SIRT5: variants seen among roughly 807,000 people sequenced by gnomAD.
The protein encoded by SIRT5 is NAD-dependent protein deacylase sirtuin-5, mitochondrial.
SIRT5 carries 26 observed loss-of-function variants against 40.0 expected under a neutral mutation model. That is an observed-to-expected ratio of 0.65 (90% CI 0.48 to 0.90). The LOEUF is 0.90. Among genes scored for constraint, SIRT5 ranks in the 40% least tolerant of loss-of-function variants. The pLI is 0.00. For missense variants in SIRT5, 401 were observed against 402.4 expected, an observed-to-expected ratio of 1.00 and a Z score of 0.03; for synonymous variants, 146 against 149.1, an observed-to-expected ratio of 0.98 and a Z score of 0.15.
intron 1 of SIRT5, among the ~76,000 whole-genome samples, chr6:13,578,651 A>T (rs1348704165): frequency 6.8e-6 from 1 of 147,716 alleles, no homozygotes; most frequent in Non-Finnish European, 1.5e-5. Context: ...AATAATTGGT[A>T]TTAGTTCTGC....
Position 13,612,030 on chromosome 6 carries a change from G to A in SIRT5, c.*165G>A. The A allele has an allele frequency of 1.9e-6, 1 of 526,418 alleles. No individual in the cohort carries two copies. The highest frequency in any genetic ancestry group is 3.7e-5 in the South Asian group (1 of 27,064). The allele number at this position is 526,418 out of a possible 1,614,324, so 32.6% of individuals were successfully genotyped here. On this transcript the variant is annotated 3_prime_UTR_variant, in exon 10 of 10. Transcript: ENST00000606117. ...GATAAGTGATGGGGGTTTAGAAGTA[G>A]CAAAGAGCACCCACATTCAAAAGTC...
intron 9 of SIRT5, among the ~76,000 whole-genome samples, chr6:13,603,042 C>T (rs1762603974): frequency 6.6e-6 from 1 of 152,070 alleles, no homozygotes; most frequent in Admixed American, 6.5e-5. Context: ...CTTTGGGAGG[C>T]CGAGGCAGGT....
At position 13,607,558 on chromosome 6, in the gene SIRT5, A is replaced by C. The variant is rs1289231478; in HGVS notation, c.858-4232A>C. 2.0e-5 allele frequency among the ~76,000 whole-genome samples: 3 copies of C among 152,240 alleles called. No individual in the cohort carries two copies. Among genetic ancestry groups the C allele is most frequent in the Non-Finnish European group, 2.9e-5 (2 of 68,036 alleles). Reference sequence around the variant, plus strand: ...ATTAACCAATGCAAGTGGCGTGAGCAGATGTGCAGCTAACACTGTAGTCGT... The same window carrying C: ...ATTAACCAATGCAAGTGGCGTGAGCCGATGTGCAGCTAACACTGTAGTCGT... On this transcript the variant is annotated intron_variant, in intron 9 of 9. Transcript: ENST00000606117. The surrounding 1 kb of genome is among the most constrained non-coding windows in gnomAD (Gnocchi z 4.0).
At chr6:13,596,895 G>T in intron 6 of SIRT5, 68 bp from the exon 7 acceptor site, 1 of 1,282,244 alleles carries the variant, frequency 7.8e-7, no homozygotes. Flanking sequence ...TACAAACTGA[G>T]TTATGTTGTT....
chr6:13,590,706 TGTTTAGTTGTGG>T (rs1266475592), intron 4 of SIRT5, among the ~76,000 whole-genome samples: 1 of 151,552 alleles, frequency 6.6e-6, no homozygotes. Flanking sequence ...TATGTGTGTA[TGTTTAGTTGTGG>T]GTGTAGTTGT....
At chr6:13,598,343 T>C (rs1761879470) in intron 7 of SIRT5, among the ~76,000 whole-genome samples, 1 of 152,032 alleles carries the variant, frequency 6.6e-6, no homozygotes, top group African/African-American at 2.4e-5. Context: ...CAGAGAGACA[T>C]GAACCTGAGA....
intron 3 of SIRT5, among the ~76,000 whole-genome samples, chr6:13,585,885 C>T (rs1363900560): frequency 6.6e-6 from 1 of 152,144 alleles, no homozygotes; most frequent in African/African-American, 2.4e-5. Context: ...CCTATTTCTC[C>T]ACATCCTGTC....
At chr6:13,603,154 G>A (rs939316177) in intron 9 of SIRT5, among the ~76,000 whole-genome samples, 2 of 151,904 alleles carry the variant, frequency 1.3e-5, no homozygotes, top group Non-Finnish European at 2.9e-5. Flanking sequence ...GTGGGCGTCT[G>A]TAGTCCCAGC....
At chr6:13,594,808 CTG>C (rs1761366438) in intron 5 of SIRT5, among the ~76,000 whole-genome samples, 2 of 152,256 alleles carry the variant, frequency 1.3e-5, no homozygotes, top group African/African-American at 4.8e-5. Flanking sequence ...ATTTCATAAA[CTG>C]TGGCCACCAT....
chr6:13,605,800 C>T (rs983094024), intron 9 of SIRT5: 14 of 985,296 alleles, frequency 1.4e-5, no homozygotes, highest in Admixed American at 1.2e-4. Context: ...TTTGTACATT[C>T]GCTGAGGCAA....
At chr6:13,575,283 T>C (rs925334730) in intron 1 of SIRT5, among the ~76,000 whole-genome samples, 2 of 151,692 alleles carry the variant, frequency 1.3e-5, no homozygotes, top group Non-Finnish European at 2.9e-5. Flanking sequence ...CTGAAGAGGG[T>C]GGCGCCCGGA....
In SIRT5 at chr6:13,591,750, A is replaced by G. The variant is rs1452232885; in HGVS notation, c.331A>G (p.Ser111Gly). Residue 111 changes from serine (S) to glycine (G), a missense_variant, in exon 5 of 10, where the codon AGC becomes GGC. Ser to Gly is a moderately conservative substitution (Grantham distance 56, BLOSUM62 0). Coordinates refer to ENST00000606117, the MANE Select transcript of SIRT5 (RefSeq NM_012241.5). The part of the protein sequence containing the change: ...FYHYRREVMG[S>G]KEPNAGHRAI... ...CCACTACCGGCGGGAGGTCATGGGGAGCAAGGAGCCCAACGCCGGGCACCG... is the reference window on the plus strand; with the variant it reads ...CCACTACCGGCGGGAGGTCATGGGGGGCAAGGAGCCCAACGCCGGGCACCG... The G allele has an allele frequency of 6.2e-7, 1 of 1,612,996 alleles. No individual in the cohort carries two copies. The highest frequency in any genetic ancestry group is 8.5e-7 in the Non-Finnish European group (1 of 1,179,386).
At chr6:13,600,669 T>G (rs1485511943) in intron 8 of SIRT5, among the ~76,000 whole-genome samples, 165 bp from the exon 9 acceptor site, 5 of 152,222 alleles carry the variant, frequency 3.3e-5, no homozygotes, top group Admixed American at 6.5e-5. Context: ...AGGACACCTC[T>G]TCACTTTCCC....
intron 1 of SIRT5, among the ~76,000 whole-genome samples, chr6:13,575,368 G>C (rs1018808300): frequency 1.3e-5 from 2 of 152,148 alleles, no homozygotes; most frequent in East Asian, 3.9e-4. Context: ...CTTGAGGAAA[G>C]CAGGTGATGG....
upstream of SIRT5, among the ~76,000 whole-genome samples, chr6:13,574,369 G>A (rs886496319): frequency 2.0e-5 from 3 of 152,012 alleles, no homozygotes; most frequent in Non-Finnish European, 2.9e-5. Flanking sequence ...CTCCGGCTTC[G>A]AGGTCCCGAC....
intron 3 of SIRT5, among the ~76,000 whole-genome samples, chr6:13,585,782 G>T (rs1401832055): frequency 6.6e-6 from 1 of 152,104 alleles, no homozygotes; most frequent in Admixed American, 6.5e-5. Flanking sequence ...TGGGTGAAAT[G>T]GTATTTCTAG....
Position 13,611,816 on chromosome 6 carries a change from C to T in SIRT5, c.884C>T (p.Thr295Met), listed in dbSNP as rs550780850. 1.3e-4 allele frequency: 202 copies of T among 1,613,904 alleles called. 3 individuals carry two copies. The South Asian group carries it at 1.4e-3, about 11-fold the overall frequency. Reference sequence around the variant, plus strand: ...TTTCATTTCCAGGGACCCTGTGGAACGACTCTTCCTGAAGCCCTTGCCTGT... The same window carrying T: ...TTTCATTTCCAGGGACCCTGTGGAATGACTCTTCCTGAAGCCCTTGCCTGT... Reference protein sequence around the residue: ...FRFHFQGPCGTTLPEALACHE... With the variant: ...FRFHFQGPCGMTLPEALACHE... The change falls in exon 10 of 10, where the codon ACG (threonine) becomes ATG (methionine). Residue 295 changes from threonine to methionine, a missense_variant. Transcript: ENST00000606117.
chr6:13,578,056 G>T (rs561941065), intron 1 of SIRT5, among the ~76,000 whole-genome samples: 1 of 152,206 alleles, frequency 6.6e-6, no homozygotes, highest in African/African-American at 2.4e-5. Context: ...CATCTTTTGA[G>T]GTGATCATAC....
chr6:13,584,087 C>CAA lies in SIRT5; in HGVS notation c.-23_-22insAA, dbSNP rs1759740640. 5.8e-6 allele frequency: 9 copies of CAA among 1,563,574 alleles called. No homozygotes were observed. Among genetic ancestry groups the CAA allele is most frequent in the Non-Finnish European group, 6.2e-6 (7 of 1,135,002 alleles). ...TGATTTTTCTAAAGCCCGCCTCAAG[C>CAA]ATTAGAACTACAGACAAACCCTGAT... On this transcript the variant is annotated 5_prime_UTR_variant, in exon 3 of 10. Transcript: ENST00000606117.
Sources: allele counts gnomAD v4.1 joint callset (sites outside exome capture counted in the v4.1 genomes callset), GRCh38; gene constraint gnomAD v4.1.1; non-coding constraint Gnocchi (gnomAD v3.1); transcripts MANE v1.5; gene names NCBI Gene and HGNC (gene_info 2026-07-23, HGNC 2026-07-21).